The following CNTLN variants were observed in gnomAD, a reference collection of about 807,000 sequenced individuals.
CNTLN encodes the protein centlein, also known as centlein, centrosomal protein.
Under a neutral mutation model 180.0 loss-of-function variants are expected in CNTLN, and 212 were observed. The ratio of observed to expected loss-of-function variants is 1.18; its 90% CI spans 1.05 to 1.32. The LOEUF is 1.32. Ranked by LOEUF, CNTLN falls within the 40% of genes most tolerant of loss-of-function variation. The probability of loss-of-function intolerance (pLI) is 0.00; values close to 1 mark genes in which losing one functional copy is unlikely to be tolerated. For missense variants in CNTLN, 2,095 were observed against 1,610.9 expected, an observed-to-expected ratio of 1.30 and a Z score of -5.14; for synonymous variants, 722 against 563.1, an observed-to-expected ratio of 1.28 and a Z score of -3.99.
chr9:17,489,771 C>G (rs935803724), intron 25 of CNTLN, among the ~76,000 whole-genome samples: 1 of 151,900 alleles, frequency 6.6e-6, no homozygotes, highest in Non-Finnish European at 1.5e-5. Flanking sequence ...CAGATATATG[C>G]CATTATTTCA....
At chr9:17,307,893 C>G (rs562827543) in intron 7 of CNTLN, among the ~76,000 whole-genome samples, 1 of 150,274 alleles carries the variant, frequency 6.7e-6, no homozygotes, top group East Asian at 2.0e-4. Context: ...AAAAACTTAC[C>G]GTAGCTGTAT....
At chr9:17,265,794 C>A (rs1407339911) in intron 5 of CNTLN, among the ~76,000 whole-genome samples, 1 of 152,128 alleles carries the variant, frequency 6.6e-6, no homozygotes, top group Non-Finnish European at 1.5e-5. Flanking sequence ...GGAATTTATC[C>A]ATTTCTTCTA....
At chr9:17,200,598 A>G (rs577789532) in intron 2 of CNTLN, among the ~76,000 whole-genome samples, 2 of 152,012 alleles carry the variant, frequency 1.3e-5, no homozygotes, top group African/African-American at 4.8e-5. Flanking sequence ...CTTTGTAGCA[A>G]TTGTGAATGG....
chr9:17,526,097 A>G, the CNTLN span, among the ~76,000 whole-genome samples: 1 of 152,060 alleles, frequency 6.6e-6, no homozygotes, highest in Non-Finnish European at 1.5e-5. Context: ...CACCACACCC[A>G]GCTAATTTTT....
intron 18 of CNTLN, chr9:17,447,844 T>C (rs904053166): frequency 7.2e-5 from 11 of 152,988 alleles, no homozygotes; most frequent in African/African-American, 2.7e-4. Context: ...AGCCCAGGTC[T>C]CGCCACATGC....
At chr9:17,192,722 T>C (rs1821868558) in intron 2 of CNTLN, among the ~76,000 whole-genome samples, 1 of 152,190 alleles carries the variant, frequency 6.6e-6, no homozygotes, top group Non-Finnish European at 1.5e-5. Flanking sequence ...TTTACCTAAG[T>C]GTCAACAATG....
chr9:17,488,028 C>CTG (rs1832977026), intron 25 of CNTLN, among the ~76,000 whole-genome samples: 1 of 151,968 alleles, frequency 6.6e-6, no homozygotes, highest in South Asian at 2.1e-4. Context: ...AAAAATTGTC[C>CTG]TGTGATTTTT....
At chr9:17,158,771 T>A (rs1331548413) in intron 2 of CNTLN, among the ~76,000 whole-genome samples, 1 of 152,104 alleles carries the variant, frequency 6.6e-6, no homozygotes, top group South Asian at 2.1e-4. Context: ...ATGATCAGTC[T>A]AGCTAAAGGT....
At chr9:17,418,118 T>A (rs1305861099) in intron 18 of CNTLN, among the ~76,000 whole-genome samples, 1 of 152,044 alleles carries the variant, frequency 6.6e-6, no homozygotes, top group African/African-American at 2.4e-5. Flanking sequence ...TATGTAATTT[T>A]ATTTTTTAAT....
intron 8 of CNTLN, among the ~76,000 whole-genome samples, chr9:17,325,248 A>T (rs1820190478): frequency 6.7e-6 from 1 of 149,376 alleles, no homozygotes; most frequent in Admixed American, 6.7e-5. Context: ...TAGATGATTC[A>T]GCTAACAATG....
chr9:17,449,180 T>G (rs1830635368), intron 18 of CNTLN, among the ~76,000 whole-genome samples: 1 of 152,224 alleles, frequency 6.6e-6, no homozygotes, highest in African/African-American at 2.4e-5. Context: ...GTTCCCATTA[T>G]CTGTCCCAGT....
chr9:17,361,519 C>A (rs983520347), intron 12 of CNTLN, among the ~76,000 whole-genome samples: 2 of 152,172 alleles, frequency 1.3e-5, no homozygotes, highest in Admixed American at 1.3e-4. Flanking sequence ...GTGTTTCATA[C>A]TATGCACATG....
At position 17,220,943 on chromosome 9, in the gene CNTLN, T is replaced by G. The variant is rs141717349; in HGVS notation, c.450-5260T>G. Among the ~76,000 whole-genome samples, 865 of 152,238 alleles carry G rather than the reference T, an allele frequency of 5.7e-3. 9 individuals are homozygous for G. The highest frequency in any genetic ancestry group is 0.02 in the African/African-American group (830 of 41,564). On this transcript the variant is annotated intron_variant, in intron 2 of 25. Coordinates refer to ENST00000380647, the MANE Select transcript of CNTLN (RefSeq NM_017738.4). ...TGTCTTTATATGGAATGATTTATAT[T>G]CCTTTGTAACCCTATAAATTAAACT...
chr9:17,264,602 G>A (rs2132411391), intron 5 of CNTLN, among the ~76,000 whole-genome samples: 1 of 152,252 alleles, frequency 6.6e-6, no homozygotes, highest in African/African-American at 2.4e-5. Flanking sequence ...TAGCTTGATG[G>A]GGATGACATT....
chr9:17,374,863 GA>G lies in CNTLN; in HGVS notation c.1987+8159del, dbSNP rs760727644. Among the ~76,000 whole-genome samples the G allele has an allele frequency of 7.7e-3, 1,006 of 129,858 alleles. 16 individuals are homozygous for G. The highest frequency in any genetic ancestry group is 0.035 in the Admixed American group (458 of 12,980). 85.2% of individuals were successfully genotyped at this position (129,858 alleles called of 152,430 possible). On this transcript the variant is annotated intron_variant, in intron 13 of 25. Transcript: ENST00000380647. ...TGACAGAAGTGAGACTCCATCTCAG[GA>G]AAAAAAAAAAAAGGAAGTAGAGCTG...
chr9:17,349,072 G>T (rs1822156039), intron 12 of CNTLN, among the ~76,000 whole-genome samples: 1 of 152,142 alleles, frequency 6.6e-6, no homozygotes, highest in South Asian at 2.1e-4. Flanking sequence ...GAGGAAAGAA[G>T]AAAACTCAAG....
At chr9:17,456,572 A>T (rs946068816) in intron 18 of CNTLN, among the ~76,000 whole-genome samples, 7 of 152,112 alleles carry the variant, frequency 4.6e-5, no homozygotes, top group African/African-American at 1.2e-4. Context: ...AACATGTTTC[A>T]TGTTTATCTT....
intron 6 of CNTLN, among the ~76,000 whole-genome samples, chr9:17,277,621 AT>A (rs1211968741): frequency 6.6e-6 from 1 of 152,140 alleles, no homozygotes; most frequent in Non-Finnish European, 1.5e-5. Context: ...AACATGATTA[AT>A]TCACGTAGAG....
Position 17,135,287 on chromosome 9 carries a change from G to A in CNTLN, c.222G>A (p.Pro74=), listed in dbSNP as rs1240290933. The part of the protein sequence containing the change: ...GGRRGPGGAA[P]AHAPLLSAPM... Reference sequence around the variant, plus strand: ...GGCGAGGGCCTGGGGGGGCAGCTCCGGCTCATGCTCCCCTCCTCAGCGCGC... The same window carrying A: ...GGCGAGGGCCTGGGGGGGCAGCTCCAGCTCATGCTCCCCTCCTCAGCGCGC... Residue 74 remains proline (P), a synonymous_variant, in exon 1 of 26, where the codon CCG becomes CCA. Transcript: ENST00000380647. The A allele has an allele frequency of 6.2e-6, 10 of 1,600,492 alleles. No individual in the cohort carries two copies. The highest frequency in any genetic ancestry group is 1.3e-5 in the African/African-American group (1 of 74,856).
Sources: gnomAD v4.1 joint callset for allele counts (sites outside exome capture counted in the v4.1 genomes callset) on GRCh38, gnomAD v4.1.1 for gene constraint, MANE v1.5 for transcripts, NCBI Gene and HGNC (gene_info 2026-07-23, HGNC 2026-07-21) for gene names.